Variants in AGBL1 observed in about 807,000 individuals in gnomAD.
AGBL1 encodes cytosolic carboxypeptidase 4.
In AGBL1, 130 loss-of-function variants were observed where a neutral mutation model predicts 118.9. The observed-to-expected ratio is 1.09, with a 90% CI of 0.95 to 1.26. The LOEUF is 1.26. AGBL1 is among the 50% of genes most tolerant of loss of function. The pLI, the probability that AGBL1 is intolerant of heterozygous loss-of-function variation, is 0.00. For missense variants in AGBL1, 1,584 were observed against 1,298.1 expected (o/e 1.22, Z -3.38); for synonymous variants, 555 against 478.9 (o/e 1.16, Z -2.08).
intron 18 of AGBL1, among the ~76,000 whole-genome samples, chr15:86,418,005 G>T (rs1438672604): frequency 3.3e-5 from 5 of 152,034 alleles, no homozygotes; most frequent in Non-Finnish European, 7.4e-5. Flanking sequence ...CTCTATAGTT[G>T]ATCTAGATGG....
rs1013484466 is a variant in AGBL1, at chr15:86,983,505, C to A, written c.3222-4482C>A. ...GGTCTTTTGATGTTCTTTTGTCTTT[C>A]CTGACTATGTTAACCCCTCTTTTGA... On this transcript the variant is annotated intron_variant, in intron 23 of 24. Coordinates refer to the AGBL1 transcript ENST00000441037. Among the ~76,000 whole-genome samples the A allele has an allele frequency of 2.0e-5, 3 of 152,260 alleles. No individual in the cohort carries two copies. In the South Asian group the frequency reaches 6.2e-4, roughly 32 times the overall value.
At chr15:86,866,046 T>C (rs893319865) in intron 22 of AGBL1, among the ~76,000 whole-genome samples, 3 of 152,246 alleles carry the variant, frequency 2.0e-5, no homozygotes, top group African/African-American at 7.2e-5. Context: ...TCCCCCCAAG[T>C]TGCACTGTAA....
At chr15:86,293,968 G>C (rs955674019) in intron 16 of AGBL1, among the ~76,000 whole-genome samples, 2 of 152,116 alleles carry the variant, frequency 1.3e-5, no homozygotes, top group South Asian at 2.1e-4. Context: ...TGCTACAGAG[G>C]GGGCAGTGTT....
chr15:86,152,900 T>C (rs1219117921), intron 3 of AGBL1, among the ~76,000 whole-genome samples: 1 of 152,144 alleles, frequency 6.6e-6, no homozygotes, highest in East Asian at 1.9e-4. Context: ...CCAACAGACA[T>C]GTGAAGAAAA....
chr15:86,665,170 G>C (rs80230869), intron 21 of AGBL1, among the ~76,000 whole-genome samples: 1 of 151,972 alleles, frequency 6.6e-6, no homozygotes, highest in Admixed American at 6.6e-5. Context: ...ATATTTCCAC[G>C]GTGTGAATTC....
chr15:86,646,847 A>G (rs766760649), intron 21 of AGBL1, among the ~76,000 whole-genome samples: 3 of 152,194 alleles, frequency 2.0e-5, no homozygotes, highest in Non-Finnish European at 4.4e-5. Context: ...ATACATGTTC[A>G]TTCTTAAATT....
chr15:86,080,879 C>T (rs1012829070), intron 1 of AGBL1, among the ~76,000 whole-genome samples: 2 of 151,952 alleles, frequency 1.3e-5, no homozygotes, highest in African/African-American at 4.8e-5. Flanking sequence ...GGTCTTCTAC[C>T]CCAGGAGTTT....
chr15:86,442,158 G>A (rs1270601257), intron 18 of AGBL1, among the ~76,000 whole-genome samples: 2 of 152,232 alleles, frequency 1.3e-5, no homozygotes, highest in Non-Finnish European at 2.9e-5. Context: ...GCTATGTGGT[G>A]TGTGGTATTC....
chr15:86,997,913 AC>A (rs2081394990), intron 24 of AGBL1, among the ~76,000 whole-genome samples: 3 of 151,522 alleles, frequency 2.0e-5, no homozygotes, highest in Middle Eastern at 3.4e-3. Context: ...ACACACACAC[AC>A]ACACACACAC....
chr15:86,440,274 A>G (rs1427016940), intron 18 of AGBL1, among the ~76,000 whole-genome samples: 1 of 152,134 alleles, frequency 6.6e-6, no homozygotes, highest in Non-Finnish European at 1.5e-5. Context: ...TTAAAAAATA[A>G]TAAAAGAATC....
intron 22 of AGBL1, among the ~76,000 whole-genome samples, chr15:86,905,747 A>G (rs2080272591): frequency 6.6e-6 from 1 of 152,182 alleles, no homozygotes; most frequent in Non-Finnish European, 1.5e-5. Context: ...TGACACCTCC[A>G]TACCTAGCAT....
intron 6 of AGBL1, among the ~76,000 whole-genome samples, chr15:86,247,247 C>G (rs540939678): frequency 6.6e-6 from 1 of 152,288 alleles, no homozygotes; most frequent in African/African-American, 2.4e-5. Context: ...ATTATGCTGA[C>G]TTGTCATGTC....
At chr15:86,132,653 C>A (rs1376050845) in intron 1 of AGBL1, among the ~76,000 whole-genome samples, 2 of 152,122 alleles carry the variant, frequency 1.3e-5, no homozygotes, top group African/African-American at 2.4e-5. Context: ...AAACAGAGAA[C>A]CTTTTAGGCA....
At chr15:86,329,056 A>G (rs971644891) in intron 17 of AGBL1, among the ~76,000 whole-genome samples, 3 of 152,260 alleles carry the variant, frequency 2.0e-5, no homozygotes, top group African/African-American at 7.2e-5. Context: ...TCCCCATTGC[A>G]GGCCTGGGGT....
chr15:86,691,462 A>T (rs1210800973), intron 22 of AGBL1, among the ~76,000 whole-genome samples: 3 of 152,118 alleles, frequency 2.0e-5, no homozygotes, highest in Non-Finnish European at 2.9e-5. Context: ...TGCATTGGCC[A>T]ATTACTGGGA....
intron 9 of AGBL1, among the ~76,000 whole-genome samples, chr15:86,259,243 G>T (rs2078945574): frequency 6.6e-6 from 1 of 152,108 alleles, no homozygotes; most frequent in Non-Finnish European, 1.5e-5. Context: ...TCTTAGACTT[G>T]CCAAAATCAC....
chr15:86,727,569 AT>A (rs1376766541), intron 22 of AGBL1, among the ~76,000 whole-genome samples: 4 of 152,214 alleles, frequency 2.6e-5, no homozygotes, highest in African/African-American at 9.6e-5. Flanking sequence ...AAAAAACTAA[AT>A]TGCTTTCAGC....
intron 5 of AGBL1, among the ~76,000 whole-genome samples, chr15:86,189,434 C>G (rs1026608417): frequency 1.3e-5 from 2 of 152,122 alleles, no homozygotes. Context: ...TTTGACCCCT[C>G]GAAATCTCAT....
At chr15:86,207,356 T>C (rs1026828704) in intron 5 of AGBL1, among the ~76,000 whole-genome samples, 1 of 152,198 alleles carries the variant, frequency 6.6e-6, no homozygotes, top group African/African-American at 2.4e-5. Flanking sequence ...AAGAAAATCA[T>C]TGGTAGCTTG....
Sources: allele counts gnomAD v4.1 joint callset (sites outside exome capture counted in the v4.1 genomes callset), GRCh38; gene constraint gnomAD v4.1.1; transcripts MANE v1.5; gene names NCBI Gene and HGNC (gene_info 2026-07-23, HGNC 2026-07-21).